LHFPL3: variants seen among roughly 807,000 people sequenced by gnomAD.
LHFPL3 encodes LHFPL tetraspan subfamily member 3.
Under a neutral mutation model 19.3 loss-of-function variants are expected in LHFPL3, and 5 were observed. The observed-to-expected ratio is 0.26, with a 90% CI of 0.14 to 0.54. The LOEUF is 0.54. Among genes scored for constraint, LHFPL3 ranks in the 20% least tolerant of loss-of-function variants. LHFPL3 has a pLI of 0.94. For missense variants in LHFPL3, 249 were observed against 307.4 expected (o/e 0.81, Z 1.42); for synonymous variants, 133 against 126.2 (o/e 1.05, Z -0.36).
chr7:104,491,017 G>A (rs1793334591), intron 1 of LHFPL3, among the ~76,000 whole-genome samples: 1 of 152,094 alleles, frequency 6.6e-6, no homozygotes, highest in Non-Finnish European at 1.5e-5. Context: ...TTGGAATCTT[G>A]GAATCTAGAT....
chr7:104,616,086 C>T lies in LHFPL3; in HGVS notation c.446-120589C>T, dbSNP rs560145536. 4.6e-5 allele frequency among the ~76,000 whole-genome samples: 7 copies of T among 152,240 alleles called. 1 individual carries two copies. In the South Asian group the frequency reaches 1.5e-3, roughly 32 times the overall value. ...CCCAAAGTAATTTATAGATTCAATG[C>T]TATCCCCATCAAGCTACCATTGACT... On this transcript the variant is annotated intron_variant, in intron 1 of 2. Transcript: ENST00000424859.
At position 104,907,513 on chromosome 7, in the gene LHFPL3, C is replaced by T. The variant is rs1251208119; in HGVS notation, c.*1298C>T. Among the ~76,000 whole-genome samples the T allele has an allele frequency of 6.6e-6, 1 of 152,130 alleles. No individual in the cohort carries two copies. Among genetic ancestry groups the T allele is most frequent in the Non-Finnish European group, 1.5e-5 (1 of 68,004 alleles). ...CAGGCTTCCCCCATCATCACCCTCA[C>T]CACATATCCTGCTAATATCCAACAA... is the stretch of plus-strand genomic sequence containing the variant. On this transcript the variant is annotated 3_prime_UTR_variant, in exon 3 of 3. Transcript: ENST00000424859.
intron 1 of LHFPL3, among the ~76,000 whole-genome samples, chr7:104,712,964 C>T (rs1793323173): frequency 6.6e-6 from 1 of 152,152 alleles, no homozygotes; most frequent in Admixed American, 6.5e-5. Flanking sequence ...CAAACCATAG[C>T]TTGAAGAGGC....
chr7:104,736,845 C>G lies in LHFPL3; in HGVS notation c.616C>G (p.Leu206Val). 1.9e-6 allele frequency: 3 copies of G among 1,612,878 alleles called. No homozygotes were observed. The highest frequency in any genetic ancestry group is 2.5e-6 in the Non-Finnish European group (3 of 1,179,502). Residue 206 changes from leucine (L) to valine (V), a missense_variant, in exon 2 of 3, where the codon CTA (leucine) becomes GTA (valine). Transcript: ENST00000424859. ...GILDALILSF[L>V]AFVLGNRQDS... ...TTTGGATGCCCTGATCCTCTCATTT[C>G]TAGCATTTGTGCTTGGTAATCGACA...
At chr7:104,664,725 C>G (rs1584468431) in intron 1 of LHFPL3, among the ~76,000 whole-genome samples, 1 of 152,154 alleles carries the variant, frequency 6.6e-6, no homozygotes, top group Non-Finnish European at 1.5e-5. Flanking sequence ...TGACCCCTGC[C>G]CTTGGATCTC....
At chr7:104,889,984 C>T (rs1427094974) in intron 2 of LHFPL3, among the ~76,000 whole-genome samples, 1 of 152,150 alleles carries the variant, frequency 6.6e-6, no homozygotes, top group African/African-American at 2.4e-5. Flanking sequence ...CTTCTCTCCT[C>T]TTCTCATTCG....
At chr7:104,441,176 G>A (rs919665939) in intron 1 of LHFPL3, among the ~76,000 whole-genome samples, 3 of 152,048 alleles carry the variant, frequency 2.0e-5, no homozygotes, top group Non-Finnish European at 4.4e-5. Context: ...TTTTAAGCCC[G>A]TTGAACAACT....
rs542781644 is a variant in LHFPL3, at chr7:104,673,542, C to G, written c.446-63133C>G. 2.6e-5 allele frequency among the ~76,000 whole-genome samples: 4 copies of G among 152,290 alleles called. No individual in the cohort carries two copies. In the East Asian group the frequency reaches 7.7e-4, roughly 29 times the overall value. ...ACATGAAATCTGACCTCAAATGGAG[C>G]CAAATGTGATGCTTTCTGATATTGT... is the stretch of plus-strand genomic sequence containing the variant. On this transcript the variant is annotated intron_variant, in intron 1 of 2. Transcript: ENST00000424859.
At chr7:104,590,303 C>G (rs1291402612) in intron 1 of LHFPL3, among the ~76,000 whole-genome samples, 4 of 151,988 alleles carry the variant, frequency 2.6e-5, no homozygotes, top group South Asian at 2.1e-4. Context: ...AGATATTCTG[C>G]TATGTTGTGT....
chr7:104,740,746 A>G (rs1171930306), intron 2 of LHFPL3, among the ~76,000 whole-genome samples: 6 of 152,214 alleles, frequency 3.9e-5, no homozygotes, highest in Admixed American at 2.0e-4. Context: ...CCATGATTCA[A>G]TTAATCTCCA....
chr7:104,837,926 A>T (rs1226960022), intron 2 of LHFPL3, among the ~76,000 whole-genome samples: 1 of 152,234 alleles, frequency 6.6e-6, no homozygotes, highest in Non-Finnish European at 1.5e-5. Context: ...TAATGCTAGC[A>T]TGCCTTCAAT....
intron 1 of LHFPL3, among the ~76,000 whole-genome samples, chr7:104,342,529 G>A (rs1008088091): frequency 7.2e-5 from 11 of 152,046 alleles, no homozygotes; most frequent in African/African-American, 2.7e-4. Context: ...AAAGGAATGA[G>A]TTCCTTTTAT....
chr7:104,616,806 G>GA (rs1413560013), intron 1 of LHFPL3, among the ~76,000 whole-genome samples: 4 of 150,862 alleles, frequency 2.7e-5, no homozygotes, highest in Non-Finnish European at 3.0e-5. Context: ...AAATTTACAG[G>GA]AAAAAAAACA....
chr7:104,619,988 C>T (rs116997791), intron 1 of LHFPL3, among the ~76,000 whole-genome samples: 1,676 of 152,264 alleles, frequency 0.011, 7 homozygotes, highest in Non-Finnish European at 0.017. Flanking sequence ...GGCTTGTGCT[C>T]CTATGAGAAT....
chr7:104,348,545 T>A (rs187145662), intron 1 of LHFPL3, among the ~76,000 whole-genome samples: 4 of 152,358 alleles, frequency 2.6e-5, no homozygotes, highest in Non-Finnish European at 5.9e-5. Flanking sequence ...AAAAAGATAT[T>A]CTGTTAAAAT....
rs1000299263 is a variant in LHFPL3, at chr7:104,407,064, C to A, written c.445+77840C>A. 4.6e-5 allele frequency among the ~76,000 whole-genome samples: 7 copies of A among 152,278 alleles called. No homozygotes were observed. In the South Asian group the frequency reaches 1.5e-3, roughly 32 times the overall value. On this transcript the variant is annotated intron_variant, in intron 1 of 2. Transcript: ENST00000424859. Reference sequence around the variant, plus strand: ...TGGCTCTGTTGTACAATGGGGATCACAGTACTGACATCACAGGGTTGAAGT... The same window carrying A: ...TGGCTCTGTTGTACAATGGGGATCAAAGTACTGACATCACAGGGTTGAAGT...
At chr7:104,901,984 G>T (rs1252681403) in intron 2 of LHFPL3, among the ~76,000 whole-genome samples, 1 of 152,032 alleles carries the variant, frequency 6.6e-6, no homozygotes, top group East Asian at 1.9e-4. Flanking sequence ...TGGCTCACTG[G>T]CTTCACACTT....
chr7:104,381,550 C>T (rs181493196), intron 1 of LHFPL3, among the ~76,000 whole-genome samples: 17 of 147,976 alleles, frequency 1.1e-4, no homozygotes, highest in African/African-American at 3.8e-4. Context: ...CTTCCTTCCT[C>T]TTTCCCTCCC....
chr7:104,904,771 C>T lies in LHFPL3; in HGVS notation c.683-1416C>T, dbSNP rs118043572. ...ACCGTGACCAGCTAGCTGTATTTAC[C>T]CAACTTCCCAATATATAAGATACCC... On this transcript the variant is annotated intron_variant, in intron 2 of 2. Transcript: ENST00000424859. Among the ~76,000 whole-genome samples the T allele has an allele frequency of 8.7e-3, 1,319 of 152,082 alleles. 6 individuals carry two copies. Among genetic ancestry groups the T allele is most frequent in the Non-Finnish European group, 0.013 (853 of 67,964 alleles).
Sources: gnomAD v4.1 joint callset for allele counts (sites outside exome capture counted in the v4.1 genomes callset) on GRCh38, gnomAD v4.1.1 for gene constraint, MANE v1.5 for transcripts, NCBI Gene and HGNC (gene_info 2026-07-23, HGNC 2026-07-21) for gene names.